SPAG16: variants seen among roughly 807,000 people sequenced by gnomAD.
SPAG16 encodes sperm-associated antigen 16 protein.
SPAG16 carries 86 observed loss-of-function variants against 80.4 expected under a neutral mutation model. That is an observed-to-expected ratio of 1.07 (90% CI 0.90 to 1.28). The LOEUF is 1.28. SPAG16 is among the 50% of genes most tolerant of loss of function. The pLI is 0.00. For synonymous variants in SPAG16, 294 were observed against 265.9 expected (o/e 1.11, Z -1.03); for missense variants, 870 against 765.3 (o/e 1.14, Z -1.61).
At chr2:213,593,791 T>G (rs1196032875) in intron 10 of SPAG16, among the ~76,000 whole-genome samples, 31 of 113,300 alleles carry the variant, frequency 2.7e-4, no homozygotes, top group African/African-American at 8.4e-4. Context: ...TTTTTTTTTT[T>G]TGGGACGGAG....
chr2:214,292,874 T>C (rs1019380989), intron 15 of SPAG16, among the ~76,000 whole-genome samples: 1 of 152,198 alleles, frequency 6.6e-6, no homozygotes, highest in African/African-American at 2.4e-5. Flanking sequence ...CAATTTTGAG[T>C]GCATGCGATA....
At chr2:214,155,447 A>G (rs1016219422) in intron 15 of SPAG16, among the ~76,000 whole-genome samples, 3 of 152,092 alleles carry the variant, frequency 2.0e-5, no homozygotes, top group African/African-American at 7.2e-5. Context: ...TTTTCAAACT[A>G]CAACAGCAAG....
intron 15 of SPAG16, among the ~76,000 whole-genome samples, chr2:214,192,260 G>A (rs1473448075): frequency 1.3e-5 from 2 of 152,114 alleles, no homozygotes; most frequent in East Asian, 1.9e-4. Flanking sequence ...ATATAGAACA[G>A]TGTAGTCATT....
chr2:214,010,613 G>A (rs1340575510), intron 12 of SPAG16, among the ~76,000 whole-genome samples: 1 of 146,740 alleles, frequency 6.8e-6, no homozygotes, highest in Non-Finnish European at 1.5e-5. Context: ...CTCTAACAGT[G>A]AATTGTTTCT....
intron 15 of SPAG16, among the ~76,000 whole-genome samples, chr2:214,273,723 G>T (rs1299059579): frequency 8.1e-6 from 1 of 123,200 alleles, no homozygotes. Flanking sequence ...TTGAAGTCAG[G>T]TAGTGTGATA....
chr2:214,110,181 G>A (rs1216788488), intron 14 of SPAG16, among the ~76,000 whole-genome samples: 2 of 152,094 alleles, frequency 1.3e-5, no homozygotes, highest in African/African-American at 2.4e-5. Flanking sequence ...GGGTACATGT[G>A]CACAACATGC....
intron 15 of SPAG16, among the ~76,000 whole-genome samples, chr2:214,408,477 G>C (rs911913708): frequency 1.3e-5 from 2 of 152,272 alleles, no homozygotes; most frequent in East Asian, 1.9e-4. Flanking sequence ...GATCTTTGCT[G>C]TGTCAGGTTT....
intron 14 of SPAG16, among the ~76,000 whole-genome samples, chr2:214,131,357 A>C (rs1419404878): frequency 6.6e-6 from 1 of 150,696 alleles, no homozygotes; most frequent in Admixed American, 6.6e-5. Context: ...GTGACAGAGC[A>C]AGACCCTAAC....
chr2:213,515,184 C>A (rs755484294), intron 10 of SPAG16, among the ~76,000 whole-genome samples: 1 of 151,984 alleles, frequency 6.6e-6, no homozygotes, highest in Non-Finnish European at 1.5e-5. Flanking sequence ...TATATAAACC[C>A]ATTCTATCTG....
intron 15 of SPAG16, among the ~76,000 whole-genome samples, chr2:214,256,260 C>A (rs1179821658): frequency 1.3e-5 from 2 of 151,710 alleles, no homozygotes; most frequent in African/African-American, 2.4e-5. Flanking sequence ...TAATGATGAA[C>A]CTACTCAATA....
intron 1 of SPAG16, among the ~76,000 whole-genome samples, chr2:213,292,289 C>A (rs888849514): frequency 1.3e-5 from 2 of 152,170 alleles, no homozygotes; most frequent in African/African-American, 4.8e-5. Context: ...TAGGAGCTGT[C>A]TCTCAGAAGG....
rs765933189 is a variant in SPAG16, at chr2:214,014,107, CT to C, written c.1527+34del. ...GCAAATCATTCACTTTTTTTCCCAGCTTTTGATAAGTCTGATTACTCTCGGT... is the reference window on the plus strand; with the variant it reads ...GCAAATCATTCACTTTTTTTCCCAGCTTTGATAAGTCTGATTACTCTCGGT... On this transcript the variant is annotated intron_variant, in intron 13 of 15. Transcript: ENST00000331683. The C allele has an allele frequency of 1.7e-4, 276 of 1,608,380 alleles. No individual in the cohort carries two copies. The African/African-American group carries it at 2.3e-3, about 14-fold the overall frequency.
intron 15 of SPAG16, among the ~76,000 whole-genome samples, chr2:214,253,041 T>G (rs1348699617): frequency 6.6e-6 from 1 of 152,072 alleles, no homozygotes; most frequent in African/African-American, 2.4e-5. Flanking sequence ...ATTTCTCTAA[T>G]GACCAGTGAT....
chr2:214,194,973 C>G (rs924478818), intron 15 of SPAG16, among the ~76,000 whole-genome samples: 1 of 151,966 alleles, frequency 6.6e-6, no homozygotes, highest in African/African-American at 2.4e-5. Flanking sequence ...TAGCGTGGCC[C>G]TCATAAAACT....
At position 213,837,739 on chromosome 2, in the gene SPAG16, G is replaced by A. The variant is rs563801830; in HGVS notation, c.1071-24746G>A. On this transcript the variant is annotated intron_variant, in intron 10 of 15. Transcript: ENST00000331683. ...CACTTGGTAGATGCGATTAAGTTGG[G>A]AATATTAAGATAAGGAGGTTTTCCT... 7.9e-5 allele frequency among the ~76,000 whole-genome samples: 12 copies of A among 152,236 alleles called. No individual in the cohort carries two copies. In the East Asian group the frequency reaches 1.4e-3, roughly 17 times the overall value.
intron 12 of SPAG16, among the ~76,000 whole-genome samples, chr2:214,008,275 A>G (rs930669976): frequency 1.3e-5 from 2 of 151,926 alleles, no homozygotes; most frequent in Non-Finnish European, 1.5e-5. Flanking sequence ...CATTATAACT[A>G]TATGTTTCTT....
intron 15 of SPAG16, among the ~76,000 whole-genome samples, chr2:214,340,805 AT>A (rs796476731): frequency 1.6e-4 from 24 of 152,246 alleles, no homozygotes; most frequent in African/African-American, 5.8e-4. Context: ...CTCACTCCAC[AT>A]CCACCCTCTC....
rs534050181 is a variant in SPAG16, at chr2:213,883,026, C to T, written c.1214+20398C>T. On this transcript the variant is annotated intron_variant, in intron 11 of 15. Transcript: ENST00000331683. ...GACTACAGGCACCCACCACCACACC[C>T]GGCTAATTTTTTTGTATTTTTAGTA... Among the ~76,000 whole-genome samples, 8 of 152,158 alleles carry T rather than the reference C, an allele frequency of 5.3e-5. No individual in the cohort carries two copies. In the East Asian group the frequency reaches 7.7e-4, roughly 15 times the overall value.
chr2:214,126,426 C>T (rs958745126), intron 14 of SPAG16, among the ~76,000 whole-genome samples: 1 of 151,576 alleles, frequency 6.6e-6, no homozygotes, highest in African/African-American at 2.4e-5. Context: ...GTGTCGTGTT[C>T]TGAGCTCCAA....
Sources: gnomAD v4.1 joint callset for allele counts (sites outside exome capture counted in the v4.1 genomes callset) on GRCh38, gnomAD v4.1.1 for gene constraint, MANE v1.5 for transcripts, NCBI Gene and HGNC (gene_info 2026-07-23, HGNC 2026-07-21) for gene names.